TJP1: variants seen among roughly 807,000 people sequenced by gnomAD.
TJP1 encodes tight junction protein ZO-1.
Under a neutral mutation model 194.2 loss-of-function variants are expected in TJP1, and 43 were observed. The observed-to-expected ratio is 0.22, with a 90% CI of 0.17 to 0.29. The LOEUF (loss-of-function observed/expected upper bound fraction) is 0.29, where lower values mean the gene tolerates loss of function less well. TJP1 is among the 10% of genes least tolerant of loss of function. The pLI, the probability that TJP1 is intolerant of heterozygous loss-of-function variation, is 1.00. For synonymous variants in TJP1, 801 were observed against 779.0 expected (o/e 1.03, Z -0.47); for missense variants, 1,971 against 2,185.7 (o/e 0.90, Z 1.96).
intron 8 of TJP1, among the ~76,000 whole-genome samples, chr15:29,752,163 C>T (rs1268173172): frequency 1.3e-5 from 2 of 151,672 alleles, no homozygotes; most frequent in African/African-American, 4.8e-5. Flanking sequence ...AGTGCAGTGG[C>T]ATGATCTCGG....
chr15:29,761,108 CT>C, intron 8 of TJP1, 30 bp downstream of exon 8: 1 of 1,555,868 alleles, frequency 6.4e-7, no homozygotes, highest in South Asian at 1.2e-5. Flanking sequence ...AACAAAACCC[CT>C]GTATTTTTTA....
At chr15:29,958,092 A>T (rs1450757461) in intron 1 of TJP1, among the ~76,000 whole-genome samples, 2 of 152,130 alleles carry the variant, frequency 1.3e-5, no homozygotes, top group East Asian at 3.8e-4. Flanking sequence ...GTTTTTTATT[A>T]GATGTCTTGA....
In TJP1 at chr15:29,766,356, A is replaced by T; in HGVS notation, c.499T>A (p.Leu167Met). Residue 167 changes from leucine (L) to methionine (M), a missense_variant, in exon 5 of 28, where the codon TTG becomes ATG. Leu to Met is a conservative substitution (Grantham distance 15). Transcript: ENST00000614355. ...RDRSASRERS[L>M]SPRSDRRSVA... ...GACCGCCTGTCTGACCGCGGGGACA[A>T]GCTCCTCTCTCTACTTGCACTTCTA... The T allele has an allele frequency of 2.5e-6, 4 of 1,614,164 alleles. No individual in the cohort carries two copies. Among genetic ancestry groups the T allele is most frequent in the South Asian group, 1.1e-5 (1 of 91,074 alleles).
At chr15:29,872,781 A>G (rs2052571681) in intron 2 of TJP1, among the ~76,000 whole-genome samples, 1 of 152,108 alleles carries the variant, frequency 6.6e-6, no homozygotes, top group Non-Finnish European at 1.5e-5. Context: ...CCCTCTTTGG[A>G]GAAGCCACCA....
chr15:29,728,354 A>G (rs2043375227), intron 15 of TJP1: 1 of 215,168 alleles, frequency 4.6e-6, no homozygotes, highest in Non-Finnish European at 9.3e-6. Flanking sequence ...ACATCCAGAG[A>G]AAATATTATT....
In TJP1 at chr15:29,719,766, A is replaced by C; in HGVS notation, c.3003+11T>G. 1 of 1,609,472 alleles carries C rather than the reference A, an allele frequency of 6.2e-7. No homozygotes were observed. The highest frequency in any genetic ancestry group is 2.2e-5 in the East Asian group (1 of 44,820). On this transcript the variant is annotated intron_variant, in intron 20 of 27. Coordinates refer to ENST00000614355, the MANE Select transcript of TJP1 (RefSeq NM_001330239.4). ...CAGCAACAAATTAGTGCAACACCGCAGCACAGGTACCTTTGTTGGATCTAC... is the reference window on the plus strand; with the variant it reads ...CAGCAACAAATTAGTGCAACACCGCCGCACAGGTACCTTTGTTGGATCTAC...
At chr15:29,793,854 C>T (rs2048245639) in intron 2 of TJP1, among the ~76,000 whole-genome samples, 1 of 152,156 alleles carries the variant, frequency 6.6e-6, no homozygotes, top group South Asian at 2.1e-4. Context: ...ATGAATCCCA[C>T]TTGATTACAA....
chr15:29,758,556 T>C (rs965575197), intron 8 of TJP1, among the ~76,000 whole-genome samples: 3 of 152,188 alleles, frequency 2.0e-5, no homozygotes, highest in Non-Finnish European at 4.4e-5. Flanking sequence ...TCTAAACTAA[T>C]GGCCCAACAT....
At chr15:29,798,804 T>C (rs2048585376) in intron 2 of TJP1, among the ~76,000 whole-genome samples, 1 of 152,192 alleles carries the variant, frequency 6.6e-6, no homozygotes, top group Non-Finnish European at 1.5e-5. Context: ...TATACATTCA[T>C]ACAATGAAAT....
intron 4 of TJP1, among the ~76,000 whole-genome samples, chr15:29,769,855 T>C (rs746937937): frequency 1.3e-5 from 2 of 152,194 alleles, no homozygotes; most frequent in African/African-American, 2.4e-5. Flanking sequence ...GTTTATGTAT[T>C]TACTATGCTA....
chr15:29,901,650 C>A (rs972687804), intron 2 of TJP1, among the ~76,000 whole-genome samples: 2 of 151,986 alleles, frequency 1.3e-5, no homozygotes, highest in African/African-American at 4.8e-5. Context: ...GGTGAAACCC[C>A]ATCTCTACTA....
intron 2 of TJP1, among the ~76,000 whole-genome samples, chr15:29,942,371 C>A (rs144831159): frequency 6.6e-6 from 1 of 152,208 alleles, no homozygotes; most frequent in Non-Finnish European, 1.5e-5. Context: ...GTACCACTCA[C>A]AAGAATGGAG....
intron 2 of TJP1, among the ~76,000 whole-genome samples, chr15:29,831,346 GCAAGA>G (rs1406831552): frequency 6.6e-6 from 1 of 152,154 alleles, no homozygotes; most frequent in Non-Finnish European, 1.5e-5. Flanking sequence ...ATCACTGAAG[GCAAGA>G]CAAGCAAACA....
Position 29,719,788 on chromosome 15 carries a change from C to T in TJP1, c.2992G>A (p.Asp998Asn). The T allele has an allele frequency of 1.2e-6, 2 of 1,613,474 alleles. No homozygotes were observed. The highest frequency in any genetic ancestry group is 1.1e-5 in the South Asian group (1 of 90,916). The change falls in exon 20 of 28, where the codon GAT becomes AAT. Residue 998 changes from aspartate to asparagine, a missense_variant. By Grantham distance (23) the Asp-to-Asn change is conservative. Coordinates refer to ENST00000614355, the MANE Select transcript of TJP1 (RefSeq NM_001330239.4). ...DQEPSLSSHV[D>N]PTKVYRKDPY... ...CGCAGCACAGGTACCTTTGTTGGAT[C>T]TACATGCGACGACAATGATGGTTCT...
At chr15:29,706,589 G>A (rs1360662402) in intron 25 of TJP1, among the ~76,000 whole-genome samples, 1 of 152,162 alleles carries the variant, frequency 6.6e-6, no homozygotes. Flanking sequence ...GTTTTATGAA[G>A]CACATTTTAA....
chr15:29,966,086 G>A (rs2056321940), intron 1 of TJP1, among the ~76,000 whole-genome samples: 1 of 152,178 alleles, frequency 6.6e-6, no homozygotes, highest in Admixed American at 6.6e-5. Flanking sequence ...TGTGTTTAGA[G>A]AATGTGTTTT....
In TJP1 at chr15:29,822,442, A is replaced by C. The variant is rs182266610; in HGVS notation, c.-414T>G. On this transcript the variant is annotated 5_prime_UTR_variant, in exon 1 of 28. Coordinates refer to ENST00000614355, the MANE Select transcript of TJP1 (RefSeq NM_001330239.4). ...CAAGGAACGCGGCGTCCGCTGGCTC[A>C]GCCGGCGCCGGCAACTCAGCGGCCA... 3.0e-6 allele frequency: 3 copies of C among 987,048 alleles called. No individual in the cohort carries two copies. Among genetic ancestry groups the C allele is most frequent in the Non-Finnish European group, 3.6e-6 (3 of 831,234 alleles). The allele number at this position is 987,048 out of a possible 1,614,324, so 61.1% of individuals were successfully genotyped here.
chr15:29,906,650 G>A (rs1465369152), intron 2 of TJP1, among the ~76,000 whole-genome samples: 5 of 151,750 alleles, frequency 3.3e-5, no homozygotes, highest in Admixed American at 2.0e-4. Context: ...TGCAATCTCA[G>A]CTCACTCCAA....
intron 11 of TJP1, among the ~76,000 whole-genome samples, chr15:29,736,250 G>C (rs903225982): frequency 2.6e-5 from 4 of 152,142 alleles, no homozygotes; most frequent in African/African-American, 9.7e-5. Flanking sequence ...TGATTGAAAA[G>C]AAAACAGGCA....
Sources: gnomAD v4.1 joint callset for allele counts (sites outside exome capture counted in the v4.1 genomes callset) on GRCh38, gnomAD v4.1.1 for gene constraint, MANE v1.5 for transcripts, NCBI Gene and HGNC (gene_info 2026-07-23, HGNC 2026-07-21) for gene names.